ADARB2: variants seen among roughly 807,000 people sequenced by gnomAD.
ADARB2 encodes inactive double-stranded RNA-specific editase B2.
Under a neutral mutation model 62.2 loss-of-function variants are expected in ADARB2, and 25 were observed. That is an observed-to-expected ratio of 0.40 (90% CI 0.29 to 0.56). ADARB2 has a LOEUF of 0.56. ADARB2 is among the 20% of genes least tolerant of loss of function. The pLI, the probability that ADARB2 is intolerant of heterozygous loss-of-function variation, is 0.43. For synonymous variants in ADARB2, 572 were observed against 500.8 expected (o/e 1.14, Z -1.90); for missense variants, 1,071 against 1,077.4 (o/e 0.99, Z 0.08).
intron 2 of ADARB2, among the ~76,000 whole-genome samples, chr10:1,368,728 T>G (rs1265250758): frequency 2.0e-5 from 3 of 152,192 alleles, no homozygotes; most frequent in Admixed American, 6.5e-5. Context: ...CAGGTAACAG[T>G]GCAGGTGCCT....
intron 1 of ADARB2, among the ~76,000 whole-genome samples, chr10:1,568,463 A>G (rs1832886739): frequency 6.6e-6 from 1 of 152,162 alleles, no homozygotes; most frequent in African/African-American, 2.4e-5. Context: ...GCCCACGTGA[A>G]CCCAGAAGTC....
chr10:1,232,759 GGTGT>G (rs201097349), intron 6 of ADARB2, among the ~76,000 whole-genome samples: 1 of 151,092 alleles, frequency 6.6e-6, no homozygotes, highest in African/African-American at 2.4e-5. Flanking sequence ...TGTGGTATGT[GGTGT>G]GTGTGGTATA....
chr10:1,503,506 A>G (rs553653202), intron 1 of ADARB2, among the ~76,000 whole-genome samples: 2 of 151,996 alleles, frequency 1.3e-5, no homozygotes, highest in African/African-American at 4.8e-5. Context: ...CCCTTTTAGC[A>G]CCTGTGAGCC....
intron 1 of ADARB2, among the ~76,000 whole-genome samples, chr10:1,641,664 G>A (rs550009402): frequency 1.1e-3 from 160 of 152,288 alleles, no homozygotes; most frequent in Non-Finnish European, 2.0e-3. Context: ...ATCTGCTAGC[G>A]TTCTGCTTTC....
intron 2 of ADARB2, among the ~76,000 whole-genome samples, chr10:1,367,691 G>C (rs1452950802): frequency 1.3e-5 from 2 of 152,190 alleles, no homozygotes; most frequent in Non-Finnish European, 2.9e-5. Flanking sequence ...AGATTGCATA[G>C]AGATTTGCCT....
In ADARB2 at chr10:1,418,233, G is replaced by A. The variant is rs117982850; in HGVS notation, c.101-39073C>T. Among the ~76,000 whole-genome samples the A allele has an allele frequency of 4.6e-3, 696 of 152,268 alleles. 2 individuals carry two copies. Among genetic ancestry groups the A allele is most frequent in the Non-Finnish European group, 7.6e-3 (518 of 68,036 alleles). On this transcript the variant is annotated intron_variant, in intron 1 of 9. Transcript: ENST00000381312. ...CCAAGCAGCCTAGTCCTGGTGTGGG[G>A]AAGTGTCTCCTTAGAATTTCAAGTC...
chr10:1,691,982 A>C (rs1023052245), intron 1 of ADARB2, among the ~76,000 whole-genome samples: 1 of 152,150 alleles, frequency 6.6e-6, no homozygotes, highest in Non-Finnish European at 1.5e-5. Flanking sequence ...ATTAAGTTTC[A>C]AAGGAAAGTG....
chr10:1,322,990 T>A (rs1291315795), intron 3 of ADARB2, among the ~76,000 whole-genome samples: 1 of 152,230 alleles, frequency 6.6e-6, no homozygotes, highest in Non-Finnish European at 1.5e-5. Flanking sequence ...ATACACTTAC[T>A]ACAATGGTGT....
intron 3 of ADARB2, among the ~76,000 whole-genome samples, chr10:1,274,559 C>G (rs779868486): frequency 6.6e-6 from 1 of 151,976 alleles, no homozygotes; most frequent in Non-Finnish European, 1.5e-5. Context: ...TTGAGAGGCT[C>G]CAGCACAGGA....
At chr10:1,693,793 G>T (rs898848135) in intron 1 of ADARB2, among the ~76,000 whole-genome samples, 1 of 152,164 alleles carries the variant, frequency 6.6e-6, no homozygotes. Context: ...AATTTCTATG[G>T]TAGTTATATT....
intron 6 of ADARB2, among the ~76,000 whole-genome samples, chr10:1,232,425 G>T (rs902641722): frequency 1.3e-5 from 2 of 150,862 alleles, no homozygotes; most frequent in African/African-American, 4.9e-5. Flanking sequence ...TGTGGTATAT[G>T]TGGTGTGTGT....
chr10:1,266,625 C>T (rs547352603), intron 4 of ADARB2, among the ~76,000 whole-genome samples: 1 of 152,294 alleles, frequency 6.6e-6, no homozygotes, highest in South Asian at 2.1e-4. Flanking sequence ...CCGGCCACCA[C>T]CGCAGAAGAC....
chr10:1,350,997 G>T (rs1201552617), intron 3 of ADARB2, among the ~76,000 whole-genome samples: 1 of 152,144 alleles, frequency 6.6e-6, no homozygotes, highest in Non-Finnish European at 1.5e-5. Flanking sequence ...TTTCCTCCAG[G>T]CCCGTTTACC....
intron 1 of ADARB2, among the ~76,000 whole-genome samples, chr10:1,585,896 G>A (rs2676707): frequency 6.6e-6 from 1 of 151,926 alleles, no homozygotes; most frequent in Admixed American, 6.5e-5. Flanking sequence ...TGGCTGGGTG[G>A]GGTGGCGGGC....
intron 1 of ADARB2, among the ~76,000 whole-genome samples, chr10:1,702,015 A>G (rs1455392611): frequency 2.0e-5 from 3 of 152,254 alleles, no homozygotes; most frequent in African/African-American, 7.2e-5. Context: ...AGAAAGACAA[A>G]GAGAAAGAAG....
At chr10:1,660,652 G>C (rs1456005935) in intron 1 of ADARB2, among the ~76,000 whole-genome samples, 2 of 152,170 alleles carry the variant, frequency 1.3e-5, no homozygotes, top group African/African-American at 4.8e-5. Flanking sequence ...TTGGGACCCC[G>C]TGTATCAGGT....
At chr10:1,425,192 C>T (rs181731084) in intron 1 of ADARB2, among the ~76,000 whole-genome samples, 9 of 152,262 alleles carry the variant, frequency 5.9e-5, no homozygotes, top group South Asian at 4.2e-4. Flanking sequence ...AATTGGACTA[C>T]GGTTTCAGGA....
chr10:1,466,713 T>C (rs1431198851), intron 1 of ADARB2, among the ~76,000 whole-genome samples: 1 of 152,166 alleles, frequency 6.6e-6, no homozygotes, highest in Non-Finnish European at 1.5e-5. Flanking sequence ...TTTTCTGTTG[T>C]TGGATCCCCA....
At chr10:1,405,239 C>T (rs1233870201) in intron 1 of ADARB2, among the ~76,000 whole-genome samples, 1 of 152,232 alleles carries the variant, frequency 6.6e-6, no homozygotes, top group Non-Finnish European at 1.5e-5. Context: ...GTTCCAAAAA[C>T]TCATGAAGCA....
Sources: gnomAD v4.1 joint callset for allele counts (sites outside exome capture counted in the v4.1 genomes callset) on GRCh38, gnomAD v4.1.1 for gene constraint, MANE v1.5 for transcripts, NCBI Gene and HGNC (gene_info 2026-07-23, HGNC 2026-07-21) for gene names.